Variants in SRRM4 observed in about 807,000 individuals in gnomAD.
The protein encoded by SRRM4 is serine/arginine repetitive matrix protein 4.
In SRRM4, 33 loss-of-function variants were observed where a neutral mutation model predicts 68.9. The observed-to-expected ratio is 0.48, with a 90% CI of 0.36 to 0.64. The LOEUF is 0.64. Ranked by LOEUF, SRRM4 falls within the 30% of genes least tolerant of loss-of-function variation. The probability of loss-of-function intolerance (pLI) is 0.00; values close to 1 mark genes in which losing one functional copy is unlikely to be tolerated. For missense variants in SRRM4, 817 were observed against 827.1 expected, an observed-to-expected ratio of 0.99 and a Z score of 0.15; for synonymous variants, 318 against 318.8, an observed-to-expected ratio of 1.00 and a Z score of 0.03.
intron 1 of SRRM4, among the ~76,000 whole-genome samples, chr12:119,046,344 C>T (rs1188508866): frequency 1.3e-5 from 2 of 152,084 alleles, no homozygotes; most frequent in African/African-American, 2.4e-5. Context: ...CCAGAGAATC[C>T]GGGAGCTAGA....
intron 1 of SRRM4, among the ~76,000 whole-genome samples, chr12:119,061,116 T>G (rs774475107): frequency 2.6e-5 from 4 of 152,142 alleles, no homozygotes; most frequent in Admixed American, 6.5e-5. Flanking sequence ...GCCTGTGTAC[T>G]CAGCAGCAGA....
intron 1 of SRRM4, among the ~76,000 whole-genome samples, chr12:119,038,491 G>A (rs773356542): frequency 1.3e-5 from 2 of 152,174 alleles, no homozygotes; most frequent in Non-Finnish European, 2.9e-5. Flanking sequence ...GATTACAGGC[G>A]TGAGCCACCG....
chr12:119,060,392 A>G (rs1953803403), intron 1 of SRRM4, among the ~76,000 whole-genome samples: 1 of 149,334 alleles, frequency 6.7e-6, no homozygotes, highest in Non-Finnish European at 1.5e-5. Context: ...GGGCATTTTC[A>G]CATGTATCCA....
At position 119,154,954 on chromosome 12, in the gene SRRM4, G is replaced by T. The variant is rs774231003; in HGVS notation, c.1532+571G>T. 2.6e-5 allele frequency among the ~76,000 whole-genome samples: 4 copies of T among 152,230 alleles called. No individual in the cohort carries two copies. The highest frequency in any genetic ancestry group is 5.9e-5 in the Non-Finnish European group (4 of 68,040). On this transcript the variant is annotated intron_variant, in intron 12 of 12. Coordinates refer to ENST00000267260, the MANE Select transcript of SRRM4 (RefSeq NM_194286.4). The surrounding 1 kb of genome is among the most constrained non-coding windows in gnomAD (Gnocchi z 4.7). ...GATAAGCCGGAGAGCACTGGATGTGGATTGGAATCCTGAATGTACCACTTT... is the reference window on the plus strand; with the variant it reads ...GATAAGCCGGAGAGCACTGGATGTGTATTGGAATCCTGAATGTACCACTTT...
At chr12:119,052,813 G>A (rs1206543650) in intron 1 of SRRM4, among the ~76,000 whole-genome samples, 1 of 152,242 alleles carries the variant, frequency 6.6e-6, no homozygotes, top group African/African-American at 2.4e-5. Flanking sequence ...ACAGGCGTGA[G>A]CCACCACACC....
intron 1 of SRRM4, among the ~76,000 whole-genome samples, chr12:119,024,381 G>A (rs1953534809): frequency 6.6e-6 from 1 of 152,172 alleles, no homozygotes. Flanking sequence ...CTGTGTTGTT[G>A]AATTCTAGCT....
At chr12:119,144,211 C>T (rs1201838820) in intron 8 of SRRM4, among the ~76,000 whole-genome samples, 1 of 152,096 alleles carries the variant, frequency 6.6e-6, no homozygotes, top group Admixed American at 6.6e-5. Context: ...GCGCATCCTC[C>T]CTCCCTCGTG....
chr12:119,125,155 A>T (rs775929074), intron 6 of SRRM4, among the ~76,000 whole-genome samples: 35 of 151,298 alleles, frequency 2.3e-4, no homozygotes, highest in Non-Finnish European at 1.5e-4. Flanking sequence ...CCTTCAGAGG[A>T]CCCCTTTCTG....
chr12:119,014,300 A>G (rs1321330036), intron 1 of SRRM4, among the ~76,000 whole-genome samples: 2 of 152,134 alleles, frequency 1.3e-5, no homozygotes, highest in Non-Finnish European at 2.9e-5. Context: ...CGATGAGTAC[A>G]GAGATTTAGA....
intron 1 of SRRM4, among the ~76,000 whole-genome samples, chr12:119,066,760 C>T (rs1039850326): frequency 3.3e-5 from 5 of 152,170 alleles, no homozygotes; most frequent in South Asian, 2.1e-4. Context: ...TGCTGGAGAA[C>T]GAGTTACATA....
chr12:119,084,191 C>T (rs1019198892), intron 1 of SRRM4, among the ~76,000 whole-genome samples: 6 of 152,106 alleles, frequency 3.9e-5, no homozygotes, highest in Non-Finnish European at 7.4e-5. Flanking sequence ...AGTCTGACTG[C>T]TGTAGAAGGT....
At chr12:119,067,664 T>G (rs1953854365) in intron 1 of SRRM4, among the ~76,000 whole-genome samples, 1 of 152,082 alleles carries the variant, frequency 6.6e-6, no homozygotes. Flanking sequence ...GGCAAGATCA[T>G]GCCACTGCAC....
chr12:119,151,097 T>G lies in SRRM4; in HGVS notation c.1157T>G (p.Met386Arg). The G allele has an allele frequency of 6.2e-7, 1 of 1,613,954 alleles. No homozygotes were observed. Among genetic ancestry groups the G allele is most frequent in the Non-Finnish European group, 8.5e-7 (1 of 1,179,872 alleles). ...LVPSTARSSP[M>R]KGCSRSSSYA... is the part of the protein sequence containing the mutation. ...CCATCCACAGCCCGGAGCTCACCCA[T>G]GAAAGGGTGTTCCCGCAGCTCCTCC... The change falls in exon 10 of 13, where the codon ATG becomes AGG. Residue 386 changes from methionine (M) to arginine (R), a missense_variant. Transcript: ENST00000267260.
chr12:119,072,384 AGCCATTTGCCCAG>A (rs1307992437), intron 1 of SRRM4, among the ~76,000 whole-genome samples: 5 of 152,174 alleles, frequency 3.3e-5, no homozygotes, highest in Non-Finnish European at 7.4e-5. Context: ...CTCCCCAGGC[AGCCATTTGCCCAG>A]GCACTATTAG....
chr12:119,066,782 T>C (rs1279993186), intron 1 of SRRM4, among the ~76,000 whole-genome samples: 1 of 152,220 alleles, frequency 6.6e-6, no homozygotes. Context: ...TTCCTCCCTC[T>C]TTTGTAAATC....
intron 1 of SRRM4, among the ~76,000 whole-genome samples, chr12:119,079,682 T>A (rs1488936835): frequency 6.6e-6 from 1 of 152,152 alleles, no homozygotes; most frequent in Admixed American, 6.5e-5. Context: ...GAAAGAGGAC[T>A]TGGGGGTCAG....
In SRRM4 at chr12:119,075,797, A is replaced by G. The variant is rs1408899950; in HGVS notation, c.132-26439A>G. 3.8e-4 allele frequency among the ~76,000 whole-genome samples: 55 copies of G among 145,662 alleles called. 3 individuals are homozygous for G. The highest frequency in any genetic ancestry group is 4.4e-4 in the Non-Finnish European group (29 of 65,684). ...GGTGATGATGATAGCGATGATGGTG[A>G]TGATGATGGTGATGATAACGGTGAT... On this transcript the variant is annotated intron_variant, in intron 1 of 12. Coordinates refer to ENST00000267260, the MANE Select transcript of SRRM4 (RefSeq NM_194286.4).
At chr12:119,141,034 C>A (rs1031177940) in intron 8 of SRRM4, among the ~76,000 whole-genome samples, 12 of 152,196 alleles carry the variant, frequency 7.9e-5, no homozygotes, top group African/African-American at 2.9e-4. Context: ...CTCCACCTCC[C>A]AGGTTCAAGA....
At chr12:119,026,921 C>G (rs1297656849) in intron 1 of SRRM4, among the ~76,000 whole-genome samples, 2 of 152,158 alleles carry the variant, frequency 1.3e-5, no homozygotes, top group African/African-American at 2.4e-5. Flanking sequence ...TCAGTGTAAA[C>G]TAATCATGGT....
Sources: allele counts gnomAD v4.1 joint callset (sites outside exome capture counted in the v4.1 genomes callset), GRCh38; gene constraint gnomAD v4.1.1; non-coding constraint Gnocchi (gnomAD v3.1); transcripts MANE v1.5; gene names NCBI Gene and HGNC (gene_info 2026-07-23, HGNC 2026-07-21).